The following NEK1 variants were observed in gnomAD, a reference collection of about 807,000 sequenced individuals.
NEK1 encodes serine/threonine-protein kinase Nek1.
NEK1 carries 137 observed loss-of-function variants against 182.1 expected under a neutral mutation model. The observed-to-expected ratio is 0.75, with a 90% CI of 0.65 to 0.87. The LOEUF is 0.87. Ranked by LOEUF, NEK1 falls within the 40% of genes least tolerant of loss-of-function variation. The pLI, the probability that NEK1 is intolerant of heterozygous loss-of-function variation, is 0.00. For synonymous variants in NEK1, 513 were observed against 492.2 expected (o/e 1.04, Z -0.56); for missense variants, 1,391 against 1,494.4 (o/e 0.93, Z 1.14).
intron 2 of NEK1, among the ~76,000 whole-genome samples, chr4:169,603,024 T>C (rs753782645): frequency 3.3e-5 from 5 of 152,180 alleles, no homozygotes; most frequent in Non-Finnish European, 5.9e-5. Context: ...ACACTATTTC[T>C]TGAAGTTATT....
At position 169,582,461 on chromosome 4, in the gene NEK1, A is replaced by G. The variant is rs116192365; in HGVS notation, c.808-1559T>C. On this transcript the variant is annotated intron_variant, in intron 10 of 35. Coordinates refer to ENST00000507142, the MANE Select transcript of NEK1 (RefSeq NM_001199397.3). Reference sequence around the variant, plus strand: ...GCTAAAGTTTGAGAACCTTTTCACTAGTGGACAAATGTTAAGAGCCAAGTC... The same window carrying G: ...GCTAAAGTTTGAGAACCTTTTCACTGGTGGACAAATGTTAAGAGCCAAGTC... Among the ~76,000 whole-genome samples the G allele has an allele frequency of 7.0e-3, 1,066 of 152,288 alleles. 11 individuals are homozygous for G. The highest frequency in any genetic ancestry group is 0.025 in the African/African-American group (1,026 of 41,556).
Position 169,477,461 on chromosome 4 carries a change from C to G in NEK1, c.2176G>C (p.Glu726Gln). 2 of 1,608,252 alleles carry G rather than the reference C, an allele frequency of 1.2e-6. No homozygotes were observed. Among genetic ancestry groups the G allele is most frequent in the Non-Finnish European group, 1.7e-6 (2 of 1,177,190 alleles). The change falls in exon 25 of 36, where the codon GAG becomes CAG. Residue 726 changes from glutamate to glutamine, a missense_variant. By Grantham distance (29) the Glu-to-Gln change is conservative (BLOSUM62 2). This residue lies in a region of NEK1 where 1,216 missense variants were observed against 1,277.6 expected (regional missense o/e 0.95). Transcript: ENST00000507142. ...SLTDTRETSE[E>Q]MQKTNNAISS... is the part of the protein sequence containing the mutation. The stretch of plus-strand genomic sequence containing the variant: ...ATAGCATTGTTGGTCTTTTGCATCT[C>G]TTCTGAAGTTTCCCGGGTATCAGTT...
At chr4:169,412,134 A>G (rs780339869) in intron 31 of NEK1, among the ~76,000 whole-genome samples, 3 of 152,216 alleles carry the variant, frequency 2.0e-5, no homozygotes, top group Non-Finnish European at 2.9e-5. Flanking sequence ...CACATAGCAG[A>G]TATTTAATAA....
intron 23 of NEK1, among the ~76,000 whole-genome samples, chr4:169,501,002 C>G (rs1039807444): frequency 6.6e-6 from 1 of 152,174 alleles, no homozygotes; most frequent in Non-Finnish European, 1.5e-5. Flanking sequence ...CTGCTATCTT[C>G]AAGAGACCCA....
intron 31 of NEK1, among the ~76,000 whole-genome samples, chr4:169,423,666 C>A (rs1035829090): frequency 6.6e-6 from 1 of 152,018 alleles, no homozygotes; most frequent in Non-Finnish European, 1.5e-5. Flanking sequence ...AGGCAGTATA[C>A]AATATAACCT....
chr4:169,462,219 T>TA (rs1202094683), intron 27 of NEK1, among the ~76,000 whole-genome samples: 1 of 151,956 alleles, frequency 6.6e-6, no homozygotes, highest in Non-Finnish European at 1.5e-5. Flanking sequence ...TATTATTATT[T>TA]AAAAAAATGT....
intron 5 of NEK1, among the ~76,000 whole-genome samples, chr4:169,593,053 C>T (rs891634587): frequency 4.0e-5 from 6 of 151,874 alleles, no homozygotes; most frequent in Admixed American, 3.3e-4. Context: ...AGACAGTGTT[C>T]TTCTATTACC....
intron 29 of NEK1, among the ~76,000 whole-genome samples, chr4:169,428,346 T>C (rs1736760407): frequency 5.2e-5 from 1 of 19,274 alleles, no homozygotes; most frequent in Non-Finnish European, 1.3e-4. Flanking sequence ...TATAAAAATA[T>C]ATGGGATATA....
At chr4:169,457,809 G>A (rs1320602140) in intron 27 of NEK1, among the ~76,000 whole-genome samples, 2 of 151,244 alleles carry the variant, frequency 1.3e-5, no homozygotes, top group African/African-American at 4.9e-5. Context: ...CTAAAATTGA[G>A]AGGATAAAAA....
At chr4:169,474,291 C>A (rs1442103524) in intron 26 of NEK1, among the ~76,000 whole-genome samples, 1 of 152,150 alleles carries the variant, frequency 6.6e-6, no homozygotes, top group African/African-American at 2.4e-5. Flanking sequence ...GACTTTTATT[C>A]TAGTTGCAAT....
At chr4:169,569,455 CCTCT>C (rs1359031855) in intron 12 of NEK1, among the ~76,000 whole-genome samples, 1 of 133,298 alleles carries the variant, frequency 7.5e-6, no homozygotes, top group Non-Finnish European at 1.6e-5. Context: ...TCCCTCCCTC[CCTCT>C]CTCCCTCCCT....
chr4:169,462,293 T>G (rs1247285354), intron 27 of NEK1, among the ~76,000 whole-genome samples: 1 of 152,122 alleles, frequency 6.6e-6, no homozygotes, highest in Non-Finnish European at 1.5e-5. Context: ...TTACTAGTAT[T>G]TTTAATTAGT....
At chr4:169,525,569 C>G (rs1228016957) in intron 19 of NEK1, among the ~76,000 whole-genome samples, 1 of 152,062 alleles carries the variant, frequency 6.6e-6, no homozygotes, top group Non-Finnish European at 1.5e-5. Flanking sequence ...TTATTATCAA[C>G]AAGTCAAATC....
At position 169,438,157 on chromosome 4, in the gene NEK1, G is replaced by T; in HGVS notation, c.2690C>A (p.Pro897His). Reference sequence around the variant, plus strand: ...GAACTCGGGACTTTTTGTCTCAACAGGAGAATCAACAATAGCTGATGGGTT... The same window carrying T: ...GAACTCGGGACTTTTTGTCTCAACATGAGAATCAACAATAGCTGATGGGTT... ...EINPSAIVDS[P>H]VETKSPEFSE... The change falls in exon 28 of 36, where the codon CCT (proline) becomes CAT (histidine). Residue 897 changes from proline to histidine, a missense_variant. Pro to His is a moderately conservative substitution (Grantham distance 77, BLOSUM62 -2). Transcript: ENST00000507142. 6.2e-7 allele frequency: 1 copy of T among 1,610,112 alleles called. No homozygotes were observed. Among genetic ancestry groups the T allele is most frequent in the Non-Finnish European group, 8.5e-7 (1 of 1,177,994 alleles).
chr4:169,433,210 C>G (rs765431671), intron 29 of NEK1, among the ~76,000 whole-genome samples: 7 of 152,160 alleles, frequency 4.6e-5, no homozygotes, highest in Non-Finnish European at 8.8e-5. Flanking sequence ...TAGGCACGTG[C>G]CACCATGCCT....
intron 28 of NEK1, among the ~76,000 whole-genome samples, chr4:169,435,331 C>T (rs1333180463): frequency 6.6e-6 from 1 of 152,188 alleles, no homozygotes; most frequent in Non-Finnish European, 1.5e-5. Context: ...TTTGCAAAGA[C>T]TCCACTTCCA....
chr4:169,604,649 T>C (rs1176427508), intron 2 of NEK1, among the ~76,000 whole-genome samples: 8 of 152,224 alleles, frequency 5.3e-5, no homozygotes, highest in Admixed American at 5.2e-4. Context: ...AAATTTGTTT[T>C]TAACTTTATT....
intron 11 of NEK1, among the ~76,000 whole-genome samples, chr4:169,577,756 AAATAAT>A (rs372782497): frequency 1.2e-4 from 18 of 151,212 alleles, no homozygotes; most frequent in Admixed American, 3.3e-4. Flanking sequence ...TCCGTCTCAA[AAATAAT>A]AATAATAATA....
chr4:169,469,977 T>A (rs185279994), intron 26 of NEK1, among the ~76,000 whole-genome samples: 1,722 of 151,104 alleles, frequency 0.011, 30 homozygotes, highest in African/African-American at 0.039. Context: ...TTTCATTTGC[T>A]TGGTAAATAT....
Sources: gnomAD v4.1 joint callset for allele counts (sites outside exome capture counted in the v4.1 genomes callset) on GRCh38, gnomAD v4.1.1 for gene constraint, gnomAD v4.1.1 regional missense constraint, MANE v1.5 for transcripts, NCBI Gene and HGNC (gene_info 2026-07-23, HGNC 2026-07-21) for gene names.